The following SCN4A variants were observed in gnomAD, a reference collection of about 807,000 sequenced individuals.
SCN4A encodes sodium voltage-gated channel alpha subunit 4.
A neutral mutation model predicts 162.0 loss-of-function variants in SCN4A; 83 were observed. The observed-to-expected ratio is 0.51, with a 90% CI of 0.43 to 0.61. The LOEUF is 0.61. Ranked by LOEUF, SCN4A falls within the 20% of genes least tolerant of loss-of-function variation. The probability of loss-of-function intolerance (pLI) is 0.00; values close to 1 mark genes in which losing one functional copy is unlikely to be tolerated. For synonymous variants in SCN4A, 944 were observed against 985.1 expected (o/e 0.96, Z 0.78); for missense variants, 2,196 against 2,462.5 (o/e 0.89, Z 2.29).
In SCN4A at chr17:63,941,895, G is replaced by A. The variant is rs774453167; in HGVS notation, c.4387C>T (p.Arg1463Cys). 5.0e-6 allele frequency: 8 copies of A among 1,613,266 alleles called. No individual in the cohort carries two copies. The highest frequency in any genetic ancestry group is 1.7e-5 in the Admixed American group (1 of 59,998). The change falls in exon 24 of 24, where the codon CGC becomes TGC. Residue 1463 changes from arginine to cysteine, a missense_variant. Coordinates refer to ENST00000435607, the MANE Select transcript of SCN4A (RefSeq NM_000334.4). The surrounding 1 kb of genome is among the most constrained non-coding windows in gnomAD (Gnocchi z 6.2). Reference protein sequence around the residue: ...ARIGRVLRLIRGAKGIRTLLF... With the variant: ...ARIGRVLRLICGAKGIRTLLF... ...AGCGTCCGGATGCCCTTGGCCCCGC[G>A]GATCAGCCGCAGGACACGCCCAATC... is the stretch of plus-strand genomic sequence containing the variant.
chr17:63,971,791 A>T lies in SCN4A; in HGVS notation c.542T>A (p.Phe181Tyr), dbSNP rs1224543276. The T allele has an allele frequency of 6.2e-7, 1 of 1,613,510 alleles. No homozygotes were observed. Among genetic ancestry groups the T allele is most frequent in the Non-Finnish European group, 8.5e-7 (1 of 1,179,702 alleles). Residue 181 changes from phenylalanine to tyrosine, a missense_variant, in exon 4 of 24, where the codon TTC (phenylalanine) becomes TAC (tyrosine). By Grantham distance (22) the Phe-to-Tyr change is conservative. Transcript: ENST00000435607. ...GAGGAATGTGAAGTCGTCGACACAGAAGCCTCGGGCCAGTATCTTGATGAG... is the reference window on the plus strand; with the variant it reads ...GAGGAATGTGAAGTCGTCGACACAGTAGCCTCGGGCCAGTATCTTGATGAG... ...ESLIKILARG[F>Y]CVDDFTFLRD...
At position 63,951,386 on chromosome 17, in the gene SCN4A, T is replaced by C; in HGVS notation, c.2853+38A>G. 1.4e-6 allele frequency: 2 copies of C among 1,433,684 alleles called. No homozygotes were observed. Among genetic ancestry groups the C allele is most frequent in the Non-Finnish European group, 1.9e-6 (2 of 1,055,370 alleles). 88.8% of individuals were successfully genotyped at this position (1,433,684 alleles called of 1,614,324 possible). ...GGCTTGCTCCAGGTCACAGGAGAATTTGAAGCCGGGTCTGTCTGAGCCCCA... is the reference window on the plus strand; with the variant it reads ...GGCTTGCTCCAGGTCACAGGAGAATCTGAAGCCGGGTCTGTCTGAGCCCCA... On this transcript the variant is annotated intron_variant, in intron 14 of 23. Transcript: ENST00000435607. The surrounding 1 kb of genome is among the most constrained non-coding windows in gnomAD (Gnocchi z 4.5).
At chr17:63,942,317 CAG>C (rs928723561) in intron 23 of SCN4A, among the ~76,000 whole-genome samples, 2 of 144,156 alleles carry the variant, frequency 1.4e-5, no homozygotes, top group Admixed American at 6.9e-5. Flanking sequence ...GAGAGAGAGA[CAG>C]AGAGAGAGGG....
At chr17:63,955,677 G>T (rs1407791676) in intron 13 of SCN4A, among the ~76,000 whole-genome samples, 2 of 152,102 alleles carry the variant, frequency 1.3e-5, no homozygotes, top group Admixed American at 1.3e-4. Context: ...CCTACTCAGG[G>T]TCTGCTCTCC....
At chr17:63,947,414 G>A (rs915627120) in intron 17 of SCN4A, among the ~76,000 whole-genome samples, 4 of 136,200 alleles carry the variant, frequency 2.9e-5, no homozygotes, top group Admixed American at 2.2e-4. Flanking sequence ...GATGGTACCC[G>A]ACTCCTTCGG....
At chr17:63,971,115 CG>C (rs1232633722) in intron 5 of SCN4A, 46 bp downstream of exon 5, 10 of 1,250,474 alleles carry the variant, frequency 8.0e-6, no homozygotes, top group East Asian at 7.6e-5. Context: ...GCACATGGTA[CG>C]GGGGTCTCTC....
At chr17:63,962,907 A>G (rs940701723) in intron 10 of SCN4A, among the ~76,000 whole-genome samples, 1 of 152,240 alleles carries the variant, frequency 6.6e-6, no homozygotes, top group Admixed American at 6.5e-5. Flanking sequence ...GTCAGGTGAC[A>G]TGGTGACCTC....
At position 63,957,477 on chromosome 17, in the gene SCN4A, G is replaced by A. The variant is rs1482355253; in HGVS notation, c.2061C>T (p.Asn687=). The A allele has an allele frequency of 1.9e-6, 3 of 1,613,628 alleles. No homozygotes were observed. Among genetic ancestry groups the A allele is most frequent in the Non-Finnish European group, 2.5e-6 (3 of 1,179,586 alleles). The change falls in exon 13 of 24, where the codon AAC becomes AAT. Residue 687 remains asparagine, a synonymous_variant. Coordinates refer to ENST00000435607, the MANE Select transcript of SCN4A (RefSeq NM_000334.4). ...FKLAKSWPTL[N]MLIKIIGNSV... ...AATTGCCAATGATCTTGATGAGCAT[G>A]TTCAGCGTTGGCCACGACTTGGCCA... is the stretch of plus-strand genomic sequence containing the variant.
rs749502925 is a variant in SCN4A at position 63,968,265 on chromosome 17, G to T, written c.794C>A (p.Ala265Glu). ...ILTVFCLSVF[A>E]LVGLQLFMGN... ...CATGAAGAGCTGCAGTCCTACCAGC[G>T]CAAAGACGCTCAGGCAGAAGACAGT... Residue 265 changes from alanine (A) to glutamate (E), a missense_variant, in exon 6 of 24, where the codon GCG (alanine) becomes GAG (glutamate). By Grantham distance (107) the Ala-to-Glu change is moderately radical (BLOSUM62 -1). Coordinates refer to ENST00000435607, the MANE Select transcript of SCN4A (RefSeq NM_000334.4). 1.2e-6 allele frequency: 2 copies of T among 1,613,956 alleles called. No individual in the cohort carries two copies. The highest frequency in any genetic ancestry group is 1.7e-6 in the Non-Finnish European group (2 of 1,179,852).
At position 63,953,226 on chromosome 17, in the gene SCN4A, G is replaced by A. The variant is rs577490771; in HGVS notation, c.2377-1326C>T. On this transcript the variant is annotated intron_variant, in intron 13 of 23. Coordinates refer to ENST00000435607, the MANE Select transcript of SCN4A (RefSeq NM_000334.4). ...ATACAAAAAGTTAGCTGGGCGTGGT[G>A]GCATGCGCCTGTAGTCCTAACTACT... Among the ~76,000 whole-genome samples the A allele has an allele frequency of 1.8e-4, 27 of 152,234 alleles. No individual in the cohort carries two copies. The South Asian group carries it at 5.6e-3, about 32-fold the overall frequency.
intron 13 of SCN4A, among the ~76,000 whole-genome samples, chr17:63,954,989 A>G (rs1909027018): frequency 6.6e-6 from 1 of 152,190 alleles, no homozygotes; most frequent in African/African-American, 2.4e-5. Flanking sequence ...CGCCCCTCAC[A>G]GGTGGGCGTG....
chr17:63,947,306 T>A, intron 17 of SCN4A, 139 bp from the exon 18 acceptor site: 1 of 1,060,514 alleles, frequency 9.4e-7, no homozygotes, highest in Non-Finnish European at 1.4e-6. Flanking sequence ...TCCTGTCCGG[T>A]GGGAAGAGCA....
intron 8 of SCN4A, among the ~76,000 whole-genome samples, chr17:63,965,126 C>T (rs771600432): frequency 2.0e-5 from 3 of 151,790 alleles, no homozygotes; most frequent in Non-Finnish European, 4.4e-5. Flanking sequence ...CTCACTGCAA[C>T]CTCCACCTCC....
intron 11 of SCN4A, 82 bp from the exon 12 acceptor site, chr17:63,959,520 G>T: frequency 1.5e-6 from 2 of 1,359,620 alleles, no homozygotes; most frequent in Non-Finnish European, 2.1e-6. Flanking sequence ...CCCACCTCCT[G>T]GCAGAGGCTG....
intron 8 of SCN4A, among the ~76,000 whole-genome samples, chr17:63,965,540 G>A (rs1909411554): frequency 6.6e-6 from 1 of 152,050 alleles, no homozygotes; most frequent in Admixed American, 6.6e-5. Flanking sequence ...CCAGGCTGGA[G>A]TGCAATGGCG....
chr17:63,940,783 C>T lies in SCN4A; in HGVS notation c.5499G>A (p.Glu1833=), dbSNP rs116469710. Residue 1833 remains glutamate (E), a synonymous_variant, in exon 24 of 24, where the codon GAG becomes GAA. Coordinates refer to ENST00000435607, the MANE Select transcript of SCN4A (RefSeq NM_000334.4). ...PGQTVRPGVK[E]SLV The stretch of plus-strand genomic sequence containing the variant: ...CCGATGCTGCCTGCTAGACAAGAGA[C>T]TCCTTGACACCTGGGCGCACAGTCT... The T allele has an allele frequency of 1.2e-3, 1,874 of 1,574,158 alleles. 25 individuals carry two copies. The African/African-American group carries it at 0.023, about 19-fold the overall frequency.
chr17:63,968,341 C>G lies in SCN4A; in HGVS notation c.718G>C (p.Val240Leu). ...ITVIPGLKTI[V>L]GALIQSVKKL... is the part of the protein sequence containing the mutation. ...TTCACCGACTGGATCAGGGCCCCCACGATCGTCTTCAGCCCTGACCGCAGA... is the reference window on the plus strand; with the variant it reads ...TTCACCGACTGGATCAGGGCCCCCAGGATCGTCTTCAGCCCTGACCGCAGA... The change falls in exon 6 of 24, where the codon GTG becomes CTG. Residue 240 changes from valine (V) to leucine (L), a missense_variant. Coordinates refer to ENST00000435607, the MANE Select transcript of SCN4A (RefSeq NM_000334.4). 1 of 1,598,606 alleles carries G rather than the reference C, an allele frequency of 6.3e-7. No individual in the cohort carries two copies. The highest frequency in any genetic ancestry group is 8.5e-7 in the Non-Finnish European group (1 of 1,170,032).
intron 12 of SCN4A, 134 bp downstream of exon 12, chr17:63,959,131 G>A: frequency 2.9e-6 from 2 of 681,734 alleles, no homozygotes; most frequent in Non-Finnish European, 4.9e-6. Flanking sequence ...GGTAACAGGT[G>A]TGCACAAGGC....
chr17:63,971,048 A>T, intron 5 of SCN4A, 114 bp downstream of exon 5: 1 of 723,484 alleles, frequency 1.4e-6, no homozygotes, highest in South Asian at 1.6e-5. Context: ...CTTTGCTGTG[A>T]GTTCTACAAA....
Sources: gnomAD v4.1 joint callset for allele counts (sites outside exome capture counted in the v4.1 genomes callset) on GRCh38, gnomAD v4.1.1 for gene constraint, Gnocchi (gnomAD v3.1) non-coding constraint, MANE v1.5 for transcripts, NCBI Gene and HGNC (gene_info 2026-07-23, HGNC 2026-07-21) for gene names.